The following CBFA2T3 variants were observed in gnomAD, a reference collection of about 807,000 sequenced individuals.
CBFA2T3 encodes CBFA2/RUNX1 partner transcriptional co-repressor 3, also known as transcriptional corepressor CBFA2T3.
A neutral mutation model predicts 58.6 loss-of-function variants in CBFA2T3; 31 were observed. The ratio of observed to expected loss-of-function variants is 0.53; its 90% CI spans 0.40 to 0.71. The LOEUF (loss-of-function observed/expected upper bound fraction) is 0.71, where lower values mean the gene tolerates loss of function less well. Ranked by LOEUF, CBFA2T3 falls within the 30% of genes least tolerant of loss-of-function variation. The pLI is 0.00. For missense variants in CBFA2T3, 1,076 were observed against 963.1 expected (o/e 1.12, Z -1.55); for synonymous variants, 531 against 421.9 (o/e 1.26, Z -3.17).
chr16:88,909,475 C>T (rs1015322436), intron 1 of CBFA2T3, among the ~76,000 whole-genome samples: 5 of 151,868 alleles, frequency 3.3e-5, no homozygotes, highest in African/African-American at 7.3e-5. Flanking sequence ...CACTACATCC[C>T]GGGTGACCCC....
intron 1 of CBFA2T3, among the ~76,000 whole-genome samples, chr16:88,908,164 A>G (rs1597710179): frequency 1.3e-5 from 2 of 152,166 alleles, no homozygotes; most frequent in South Asian, 4.1e-4. Context: ...CAACATGGTG[A>G]AACCCCGTCT....
intron 5 of CBFA2T3, among the ~76,000 whole-genome samples, chr16:88,891,317 C>G (rs1384485587): frequency 6.6e-6 from 1 of 152,188 alleles, no homozygotes; most frequent in Non-Finnish European, 1.5e-5. Context: ...CCTGCGCTGG[C>G]TCTGCACCTA....
At chr16:88,923,285 C>T (rs955491334) in intron 1 of CBFA2T3, among the ~76,000 whole-genome samples, 3 of 152,228 alleles carry the variant, frequency 2.0e-5, no homozygotes, top group Non-Finnish European at 2.9e-5. Context: ...ACCCCCTCCT[C>T]ATCGCACAGA....
intron 1 of CBFA2T3, among the ~76,000 whole-genome samples, chr16:88,961,847 A>T (rs1341111175): frequency 7.0e-6 from 1 of 142,628 alleles, no homozygotes; most frequent in African/African-American, 2.6e-5. Context: ...AGCGCTGGAC[A>T]TTCCCACTGC....
intron 5 of CBFA2T3, among the ~76,000 whole-genome samples, chr16:88,890,747 T>G (rs562869674): frequency 1.8e-4 from 28 of 152,158 alleles, no homozygotes; most frequent in Non-Finnish European, 3.8e-4. Context: ...GACAGGGTGT[T>G]GCTCTGTCGC....
chr16:88,975,175 T>TATCAAAGGG (rs1567643952), intron 1 of CBFA2T3, among the ~76,000 whole-genome samples: 3 of 97,160 alleles, frequency 3.1e-5, no homozygotes, highest in South Asian at 2.8e-4. Flanking sequence ...CCCTCTCTGC[T>TATCAAAGGG]CCACATCTTT....
intron 1 of CBFA2T3, among the ~76,000 whole-genome samples, chr16:88,961,871 G>C (rs8052015): frequency 0.016 from 1,122 of 69,548 alleles, 14 homozygotes; most frequent in African/African-American, 0.049. Context: ...GTAACCGACA[G>C]TCAGCGCTGG....
At chr16:88,897,855 G>C (rs1969946944) in intron 3 of CBFA2T3, among the ~76,000 whole-genome samples, 1 of 152,224 alleles carries the variant, frequency 6.6e-6, no homozygotes, top group African/African-American at 2.4e-5. Flanking sequence ...CTAAGGCCCC[G>C]CAGCTTGGAG....
intron 1 of CBFA2T3, among the ~76,000 whole-genome samples, chr16:88,973,837 A>G (rs1051460105): frequency 1.1e-4 from 16 of 152,180 alleles, no homozygotes; most frequent in African/African-American, 3.9e-4. Flanking sequence ...AGCTTCCTGC[A>G]CGGATGGTGC....
At chr16:88,934,549 A>G (rs1242917008) in intron 1 of CBFA2T3, among the ~76,000 whole-genome samples, 1 of 151,642 alleles carries the variant, frequency 6.6e-6, no homozygotes, top group East Asian at 1.9e-4. Flanking sequence ...CCCTGTGCAC[A>G]GTGTGTGGTG....
At chr16:88,907,594 G>T (rs956631615) in intron 1 of CBFA2T3, among the ~76,000 whole-genome samples, 1 of 152,222 alleles carries the variant, frequency 6.6e-6, no homozygotes, top group African/African-American at 2.4e-5. Context: ...GCTGAGGAGG[G>T]GGAGAGCCAG....
intron 7 of CBFA2T3, among the ~76,000 whole-genome samples, chr16:88,884,467 C>G (rs559073639): frequency 6.6e-6 from 1 of 152,182 alleles, no homozygotes; most frequent in Non-Finnish European, 1.5e-5. Flanking sequence ...AGGCCTCAGT[C>G]TCCTCATCTG....
rs1219532401 is a variant in CBFA2T3 at position 88,885,441 on chromosome 16, C to A, written c.894-172G>T. Among the ~76,000 whole-genome samples the A allele has an allele frequency of 6.6e-6, 1 of 152,092 alleles. No homozygotes were observed. The highest frequency in any genetic ancestry group is 1.5e-5 in the Non-Finnish European group (1 of 67,982). ...CCCGGGAAGCCCAGCCCGGCGCCCC[C>A]ACTCTCTGCCCCTCTGCCGGGGCCC... is the stretch of plus-strand genomic sequence containing the variant. On this transcript the variant is annotated intron_variant, in intron 6 of 11. Transcript: ENST00000268679. The surrounding 1 kb of genome is among the most constrained non-coding windows in gnomAD (Gnocchi z 5.3).
intron 1 of CBFA2T3, among the ~76,000 whole-genome samples, chr16:88,926,412 G>A (rs186710379): frequency 5.4e-4 from 82 of 152,314 alleles, no homozygotes; most frequent in Non-Finnish European, 1.1e-3. Context: ...TCCCAGCCTC[G>A]TCTCCAAAAT....
rs928182754 is a variant in CBFA2T3, at chr16:88,875,738, C to T, written c.*1238G>A. The T allele has an allele frequency of 4.3e-6, 1 of 233,328 alleles. No homozygotes were observed. Among genetic ancestry groups the T allele is most frequent in the Non-Finnish European group, 8.5e-6 (1 of 118,040 alleles). 14.5% of individuals were successfully genotyped at this position (233,328 alleles called of 1,614,324 possible). On this transcript the variant is annotated 3_prime_UTR_variant, in exon 12 of 12. Transcript: ENST00000268679. ...TGGCTCCGCATGCTCGAAAAGCAGT[C>T]GAGAATCAACCCAAAAGATTGTCAC...
At chr16:88,943,149 C>T (rs1462123859) in intron 1 of CBFA2T3, among the ~76,000 whole-genome samples, 1 of 152,202 alleles carries the variant, frequency 6.6e-6, no homozygotes, top group Non-Finnish European at 1.5e-5. Flanking sequence ...GCAACATAAA[C>T]GTGGGAGTGG....
intron 1 of CBFA2T3, among the ~76,000 whole-genome samples, chr16:88,972,809 G>A (rs1201994885): frequency 6.6e-6 from 1 of 152,244 alleles, no homozygotes; most frequent in Non-Finnish European, 1.5e-5. Context: ...CAAAAGGGGG[G>A]ACAGGAGGCG....
At chr16:88,913,099 G>C (rs556800660) in intron 1 of CBFA2T3, among the ~76,000 whole-genome samples, 6 of 152,252 alleles carry the variant, frequency 3.9e-5, no homozygotes, top group African/African-American at 1.4e-4. Flanking sequence ...CTGCCCCCTG[G>C]ATCTGGGCTG....
chr16:88,884,871 C>T (rs1456363560), intron 7 of CBFA2T3, 175 bp downstream of exon 7: 1 of 573,046 alleles, frequency 1.7e-6, no homozygotes, highest in East Asian at 3.3e-5. Flanking sequence ...GGACAGGCCC[C>T]TCTGCAGCCA....
Sources: allele counts gnomAD v4.1 joint callset (sites outside exome capture counted in the v4.1 genomes callset), GRCh38; gene constraint gnomAD v4.1.1; non-coding constraint Gnocchi (gnomAD v3.1); transcripts MANE v1.5; gene names NCBI Gene and HGNC (gene_info 2026-07-23, HGNC 2026-07-21).